Variants in FBXL17 observed in about 807,000 individuals in gnomAD.
FBXL17 encodes the protein F-box/LRR-repeat protein 17.
Under a neutral mutation model 66.2 loss-of-function variants are expected in FBXL17, and 22 were observed. That is an observed-to-expected ratio of 0.33 (90% confidence interval 0.24 to 0.47). The LOEUF is 0.47. Ranked by LOEUF, FBXL17 falls within the 20% of genes least tolerant of loss-of-function variation. The pLI is 1.00. For missense variants in FBXL17, 878 were observed against 948.2 expected (o/e 0.93, Z 0.97); for synonymous variants, 474 against 400.5 (o/e 1.18, Z -2.19).
chr5:108,255,394 T>C (rs1004220811), intron 4 of FBXL17, among the ~76,000 whole-genome samples: 1 of 152,198 alleles, frequency 6.6e-6, no homozygotes, highest in Non-Finnish European at 1.5e-5. Flanking sequence ...TGATTTTTTA[T>C]GTTTGTTCAA....
intron 5 of FBXL17, among the ~76,000 whole-genome samples, chr5:108,190,878 G>A (rs1001985440): frequency 6.6e-6 from 1 of 152,098 alleles, no homozygotes; most frequent in African/African-American, 2.4e-5. Context: ...ATCACTGTTG[G>A]AAATATACTG....
At chr5:108,259,612 C>T (rs900341321) in intron 4 of FBXL17, among the ~76,000 whole-genome samples, 1 of 151,932 alleles carries the variant, frequency 6.6e-6, no homozygotes, top group Non-Finnish European at 1.5e-5. Flanking sequence ...AAAAATGTTG[C>T]TTGAAAAAAA....
At chr5:107,902,126 G>A (rs1749585457) in intron 7 of FBXL17, among the ~76,000 whole-genome samples, 1 of 152,160 alleles carries the variant, frequency 6.6e-6, no homozygotes, top group Non-Finnish European at 1.5e-5. Context: ...ATGGAGTTTG[G>A]AATCTCTGTT....
chr5:108,373,640 C>A (rs1749213563), intron 1 of FBXL17, among the ~76,000 whole-genome samples: 1 of 152,112 alleles, frequency 6.6e-6, no homozygotes, highest in Admixed American at 6.6e-5. Flanking sequence ...CAGGGCCAGG[C>A]ACAGTGGTTC....
chr5:108,357,795 A>G (rs1460329579), intron 3 of FBXL17, among the ~76,000 whole-genome samples: 2 of 152,096 alleles, frequency 1.3e-5, no homozygotes, highest in African/African-American at 2.4e-5. Flanking sequence ...ATAGGTATAC[A>G]TGAATGACAC....
Position 108,244,851 on chromosome 5 carries a change from C to T in FBXL17, c.1507-20623G>A, listed in dbSNP as rs559194456. 3.3e-5 allele frequency among the ~76,000 whole-genome samples: 5 copies of T among 152,058 alleles called. No homozygotes were observed. In the South Asian group the frequency reaches 1.0e-3, roughly 31 times the overall value. ...AGTTTAACTGTATATAACAGGTTTA[C>T]CTGTATTTTGCAATATATTTAAAAT... On this transcript the variant is annotated intron_variant, in intron 4 of 8. Transcript: ENST00000542267.
chr5:107,872,219 G>T (rs762947860), intron 8 of FBXL17, among the ~76,000 whole-genome samples: 8 of 152,200 alleles, frequency 5.3e-5, no homozygotes, highest in Non-Finnish European at 5.9e-5. Flanking sequence ...GCAGGGCTGG[G>T]CTCTGAAAGA....
At chr5:108,200,014 C>G (rs1222831175) in intron 5 of FBXL17, among the ~76,000 whole-genome samples, 1 of 150,956 alleles carries the variant, frequency 6.6e-6, no homozygotes, top group Non-Finnish European at 1.5e-5. Flanking sequence ...GACACTGAAG[C>G]TGATCCCTTC....
At chr5:107,881,619 C>A (rs929382329) in intron 7 of FBXL17, among the ~76,000 whole-genome samples, 5 of 152,088 alleles carry the variant, frequency 3.3e-5, no homozygotes, top group Admixed American at 2.0e-4. Flanking sequence ...AATGTCTTTA[C>A]CAATTGGCAT....
At chr5:107,882,358 T>A (rs1443206940) in intron 7 of FBXL17, among the ~76,000 whole-genome samples, 1 of 151,780 alleles carries the variant, frequency 6.6e-6, no homozygotes, top group African/African-American at 2.4e-5. Flanking sequence ...CCTCAGTATT[T>A]TTTTTTTTTA....
intron 1 of FBXL17, among the ~76,000 whole-genome samples, chr5:108,369,294 C>A (rs1748875107): frequency 6.6e-6 from 1 of 152,132 alleles, no homozygotes; most frequent in South Asian, 2.1e-4. Context: ...AACCCAGTAG[C>A]CCTGACTTCG....
chr5:108,009,511 C>T (rs1245253307), intron 7 of FBXL17, among the ~76,000 whole-genome samples: 1 of 151,218 alleles, frequency 6.6e-6, no homozygotes, highest in African/African-American at 2.4e-5. Context: ...AGCACAGAGG[C>T]ACGGAGGCTG....
chr5:108,373,652 C>T (rs1245606845), intron 1 of FBXL17, among the ~76,000 whole-genome samples: 4 of 152,142 alleles, frequency 2.6e-5, no homozygotes, highest in African/African-American at 7.2e-5. Context: ...CAGTGGTTCA[C>T]ACCTGCAATC....
chr5:108,379,073 A>G (rs1475305947), intron 1 of FBXL17, among the ~76,000 whole-genome samples: 1 of 152,252 alleles, frequency 6.6e-6, no homozygotes, highest in Non-Finnish European at 1.5e-5. Context: ...AATCCTCAGG[A>G]AAAAATATGA....
At chr5:107,981,115 A>G (rs1489846848) in intron 7 of FBXL17, among the ~76,000 whole-genome samples, 1 of 152,130 alleles carries the variant, frequency 6.6e-6, no homozygotes. Flanking sequence ...AGGGCATCTG[A>G]GACACAGGCA....
chr5:108,180,119 A>T (rs1169739739), intron 6 of FBXL17, among the ~76,000 whole-genome samples: 1 of 152,214 alleles, frequency 6.6e-6, no homozygotes, highest in Admixed American at 6.5e-5. Flanking sequence ...AAATTTTTAA[A>T]TACTGTATAT....
At chr5:108,377,404 C>T (rs977594351) in intron 1 of FBXL17, among the ~76,000 whole-genome samples, 16 of 152,234 alleles carry the variant, frequency 1.1e-4, no homozygotes, top group Non-Finnish European at 2.2e-4. Context: ...TTTTCCCCTA[C>T]CAAGTTCAGT....
chr5:108,136,382 C>T (rs17443045), intron 6 of FBXL17, among the ~76,000 whole-genome samples: 19,546 of 152,020 alleles, frequency 0.13, 1,359 homozygotes, highest in East Asian at 0.16. Context: ...GATCCAAAAC[C>T]AACAAGTCAC....
chr5:107,942,124 G>A (rs1265965182), intron 7 of FBXL17, among the ~76,000 whole-genome samples: 1 of 152,186 alleles, frequency 6.6e-6, no homozygotes, highest in Non-Finnish European at 1.5e-5. Context: ...GGCGTACACA[G>A]CTGGATGTAG....
Sources: gnomAD v4.1 joint callset for allele counts (sites outside exome capture counted in the v4.1 genomes callset) on GRCh38, gnomAD v4.1.1 for gene constraint, MANE v1.5 for transcripts, NCBI Gene and HGNC (gene_info 2026-07-23, HGNC 2026-07-21) for gene names.